Variants in VPS13B observed in about 807,000 individuals in gnomAD.
VPS13B encodes vacuolar protein sorting 13 homolog B, also known as intermembrane lipid transfer protein VPS13B.
In VPS13B, 285 loss-of-function variants were observed where a neutral mutation model predicts 426.4. The ratio of observed to expected loss-of-function variants is 0.67; its 90% CI spans 0.61 to 0.74. The LOEUF is 0.74. Among genes scored for constraint, VPS13B ranks in the 30% least tolerant of loss-of-function variants. VPS13B has a pLI of 0.00. For missense variants in VPS13B, 4,537 were observed against 4,782.6 expected (o/e 0.95, Z 1.51); for synonymous variants, 1,676 against 1,676.4 (o/e 1.00, Z 0.01).
intron 16 of VPS13B, among the ~76,000 whole-genome samples, chr8:99,175,051 C>T (rs1345190077): frequency 1.3e-5 from 2 of 152,034 alleles, no homozygotes; most frequent in Non-Finnish European, 2.9e-5. Context: ...AGGAGTAGAG[C>T]AAACAGTGAT....
At chr8:99,356,374 G>A (rs896314506) in intron 19 of VPS13B, among the ~76,000 whole-genome samples, 4 of 152,152 alleles carry the variant, frequency 2.6e-5, no homozygotes, top group African/African-American at 7.2e-5. Flanking sequence ...TGGGCAAGGC[G>A]CAGGGGCTCA....
intron 31 of VPS13B, among the ~76,000 whole-genome samples, chr8:99,575,335 T>C (rs1825726891): frequency 6.6e-6 from 1 of 152,038 alleles, no homozygotes; most frequent in South Asian, 2.1e-4. Context: ...GTAAGATTAT[T>C]GGTGGTAACA....
At chr8:99,630,208 C>T (rs185056083) in intron 33 of VPS13B, among the ~76,000 whole-genome samples, 1 of 152,210 alleles carries the variant, frequency 6.6e-6, no homozygotes, top group African/African-American at 2.4e-5. Context: ...AACCTGCCAC[C>T]CAGAGTCTTG....
intron 19 of VPS13B, among the ~76,000 whole-genome samples, chr8:99,332,432 A>AT (rs1167556008): frequency 6.0e-5 from 9 of 150,988 alleles, no homozygotes; most frequent in Non-Finnish European, 1.0e-4. Flanking sequence ...AGAACAGTTA[A>AT]TTTTTTTTTG....
At chr8:99,729,563 T>G (rs1833503286) in intron 39 of VPS13B, among the ~76,000 whole-genome samples, 1 of 152,236 alleles carries the variant, frequency 6.6e-6, no homozygotes, top group Non-Finnish European at 1.5e-5. Flanking sequence ...GTGCAATGAC[T>G]ATGTAATACA....
intron 44 of VPS13B, among the ~76,000 whole-genome samples, chr8:99,813,976 A>G (rs1340512855): frequency 6.6e-6 from 1 of 152,092 alleles, no homozygotes; most frequent in African/African-American, 2.4e-5. Context: ...TCTACAAAAC[A>G]TAAAATAAAA....
chr8:99,461,517 A>G (rs1244066630), intron 23 of VPS13B, among the ~76,000 whole-genome samples: 1 of 151,688 alleles, frequency 6.6e-6, no homozygotes, highest in Non-Finnish European at 1.5e-5. Flanking sequence ...ATGTCTTTGC[A>G]TTCCTTATAG....
At chr8:99,599,910 G>A (rs767176719) in intron 33 of VPS13B, among the ~76,000 whole-genome samples, 72 of 152,120 alleles carry the variant, frequency 4.7e-4, no homozygotes, top group Non-Finnish European at 1.0e-3. Flanking sequence ...ACCTTTGAGA[G>A]ACAAAAAATA....
chr8:99,428,259 A>G (rs1212722726), intron 21 of VPS13B, among the ~76,000 whole-genome samples: 7 of 152,212 alleles, frequency 4.6e-5, no homozygotes, highest in Non-Finnish European at 1.0e-4. Flanking sequence ...ACCAAAAGCA[A>G]TGGCAACAGA....
chr8:99,703,715 T>C (rs1832381678), intron 36 of VPS13B, among the ~76,000 whole-genome samples: 1 of 152,138 alleles, frequency 6.6e-6, no homozygotes, highest in Non-Finnish European at 1.5e-5. Context: ...AAACCAAAAG[T>C]ATATAGCTAT....
Position 99,020,370 on chromosome 8 carries a change from G to A in VPS13B, c.147+6435G>A, listed in dbSNP as rs140880650. 9.5e-3 allele frequency among the ~76,000 whole-genome samples: 1,453 copies of A among 152,164 alleles called. 17 individuals carry two copies. Among genetic ancestry groups the A allele is most frequent in the South Asian group, 0.029 (139 of 4,824 alleles). ...TTGTTGAGTTATAGGAGTTCTTTAT[G>A]TATTGTGGATATCAATCCCTTAGCA... On this transcript the variant is annotated intron_variant, in intron 2 of 61. Transcript: ENST00000357162.
chr8:99,236,481 C>T (rs771409446), intron 17 of VPS13B, among the ~76,000 whole-genome samples: 7 of 152,140 alleles, frequency 4.6e-5, no homozygotes, highest in Non-Finnish European at 7.4e-5. Context: ...AACTCCTGGC[C>T]TCAAGTGATC....
chr8:99,047,456 T>C (rs74526524), intron 3 of VPS13B, among the ~76,000 whole-genome samples: 1 of 152,222 alleles, frequency 6.6e-6, no homozygotes, highest in East Asian at 1.9e-4. Context: ...CTATCTGTTT[T>C]ACCTACCTTT....
chr8:99,166,426 A>G (rs564518256), intron 15 of VPS13B, among the ~76,000 whole-genome samples: 2 of 152,326 alleles, frequency 1.3e-5, no homozygotes, highest in Admixed American at 6.5e-5. Context: ...CTTGTAGGCT[A>G]TCCCGGAACA....
chr8:99,408,958 G>A (rs1226739670), intron 21 of VPS13B, among the ~76,000 whole-genome samples: 1 of 152,144 alleles, frequency 6.6e-6, no homozygotes, highest in African/African-American at 2.4e-5. Flanking sequence ...TAATAGTTCA[G>A]TGTTAAACAA....
At chr8:99,807,639 C>T (rs940757544) in intron 43 of VPS13B, among the ~76,000 whole-genome samples, 1 of 150,950 alleles carries the variant, frequency 6.6e-6, no homozygotes, top group African/African-American at 2.4e-5. Context: ...TATATAAGAC[C>T]ATATTTTCCC....
chr8:99,014,229 T>C (rs1841486079), intron 2 of VPS13B, among the ~76,000 whole-genome samples: 1 of 147,388 alleles, frequency 6.8e-6, no homozygotes, highest in Admixed American at 6.8e-5. Flanking sequence ...GCAGTTCTCC[T>C]GCCGTAGCCT....
At chr8:99,787,008 T>C (rs908792627) in intron 43 of VPS13B, among the ~76,000 whole-genome samples, 5 of 152,166 alleles carry the variant, frequency 3.3e-5, no homozygotes, top group Admixed American at 6.5e-5. Context: ...AAAATATTCC[T>C]TTTTCCAGAC....
intron 31 of VPS13B, among the ~76,000 whole-genome samples, chr8:99,559,088 T>C (rs200922458): frequency 6.6e-6 from 1 of 152,258 alleles, no homozygotes; most frequent in Admixed American, 6.5e-5. Flanking sequence ...CCTGACTTTT[T>C]AATGATTGCC....
Sources: gnomAD v4.1 joint callset for allele counts (sites outside exome capture counted in the v4.1 genomes callset) on GRCh38, gnomAD v4.1.1 for gene constraint, MANE v1.5 for transcripts, NCBI Gene and HGNC (gene_info 2026-07-23, HGNC 2026-07-21) for gene names.